PRKCQ: variants seen among roughly 807,000 people sequenced by gnomAD.
The protein encoded by PRKCQ is protein kinase C theta.
PRKCQ carries 41 observed loss-of-function variants against 91.2 expected under a neutral mutation model. The ratio of observed to expected loss-of-function variants is 0.45; its 90% confidence interval spans 0.35 to 0.58. The LOEUF (loss-of-function observed/expected upper bound fraction) is 0.58. Ranked by LOEUF, PRKCQ falls within the 20% of genes least tolerant of loss-of-function variation. The pLI, the probability that PRKCQ is intolerant of heterozygous loss-of-function variation, is 0.00. For synonymous variants in PRKCQ, 307 were observed against 316.9 expected (o/e 0.97, Z 0.33); for missense variants, 673 against 896.5 (o/e 0.75, Z 3.18).
At chr10:6,513,087 G>A (rs915170051) in intron 2 of PRKCQ, among the ~76,000 whole-genome samples, 35 of 152,200 alleles carry the variant, frequency 2.3e-4, no homozygotes, top group African/African-American at 8.2e-4. Flanking sequence ...ATTTTCATTC[G>A]CCACGTTTGT....
At chr10:6,579,129 C>T (rs1264400472) in intron 1 of PRKCQ, among the ~76,000 whole-genome samples, 1 of 152,242 alleles carries the variant, frequency 6.6e-6, no homozygotes, top group East Asian at 1.9e-4. Context: ...TGACAGAAAG[C>T]ATGGGCGGAC....
intron 4 of PRKCQ, among the ~76,000 whole-genome samples, chr10:6,500,502 G>A (rs886550870): frequency 2.0e-5 from 3 of 150,762 alleles, no homozygotes; most frequent in African/African-American, 7.3e-5. Context: ...TTCTACATTA[G>A]ACTATAGTAC....
chr10:6,420,587 A>C, the PRKCQ span, among the ~76,000 whole-genome samples: 1 of 152,158 alleles, frequency 6.6e-6, no homozygotes, highest in Non-Finnish European at 1.5e-5. Context: ...GGCAGAGGAT[A>C]ATTTTTTTGA....
At chr10:6,459,128 T>C (rs556507069) in intron 14 of PRKCQ, among the ~76,000 whole-genome samples, 1 of 152,338 alleles carries the variant, frequency 6.6e-6, no homozygotes, top group Admixed American at 6.5e-5. Context: ...TTCTTCCATC[T>C]GCAAAGCCTC....
At chr10:6,559,760 C>T (rs753819711) in intron 1 of PRKCQ, among the ~76,000 whole-genome samples, 1 of 152,196 alleles carries the variant, frequency 6.6e-6, no homozygotes, top group Non-Finnish European at 1.5e-5. Context: ...AATCTAAAAA[C>T]AGGCCAGGTT....
At chr10:6,577,125 T>TC (rs1222046984) in intron 1 of PRKCQ, among the ~76,000 whole-genome samples, 1 of 152,164 alleles carries the variant, frequency 6.6e-6, no homozygotes, top group Admixed American at 6.5e-5. Context: ...CAGAAAGATG[T>TC]CCTGCCAAAT....
At chr10:6,396,725 A>G in the PRKCQ span, among the ~76,000 whole-genome samples, 1 of 152,220 alleles carries the variant, frequency 6.6e-6, no homozygotes, top group African/African-American at 2.4e-5. Flanking sequence ...TTTGGCTATT[A>G]TGAATCATGT....
In PRKCQ at chr10:6,515,365, G is replaced by A. The variant is rs1018008274; in HGVS notation, c.-9-221C>T. The A allele has an allele frequency of 2.9e-5, 42 of 1,462,338 alleles. 1 individual carries two copies. Among genetic ancestry groups the A allele is most frequent in the Admixed American group, 5.9e-5 (2 of 34,120 alleles). 90.6% of individuals were successfully genotyped at this position (1,462,338 alleles called of 1,614,324 possible). On this transcript the variant is annotated intron_variant, in intron 1 of 17. Coordinates refer to ENST00000263125, the MANE Select transcript of PRKCQ (RefSeq NM_006257.5). The stretch of plus-strand genomic sequence containing the variant: ...TGCTGAGGGGAGAGGCTTTCTGGAA[G>A]TCTGCACTCAACCTTGCTTTTGAGA...
the PRKCQ span, among the ~76,000 whole-genome samples, chr10:6,395,355 C>T: frequency 2.6e-5 from 4 of 152,188 alleles, no homozygotes; most frequent in East Asian, 3.9e-4. Flanking sequence ...TGAACCAGCG[C>T]GCCCGGCCGG....
intron 1 of PRKCQ, among the ~76,000 whole-genome samples, chr10:6,555,770 G>A (rs750894482): frequency 6.6e-6 from 1 of 152,148 alleles, no homozygotes; most frequent in Non-Finnish European, 1.5e-5. Context: ...AGAACTTTGG[G>A]AGGCAAAGGT....
chr10:6,535,270 A>G (rs2130906951), intron 1 of PRKCQ, among the ~76,000 whole-genome samples: 1 of 152,330 alleles, frequency 6.6e-6, no homozygotes, highest in Middle Eastern at 3.4e-3. Context: ...CAGGAGTTCC[A>G]TATGTGGAAA....
intron 15 of PRKCQ, among the ~76,000 whole-genome samples, chr10:6,444,737 G>T (rs765765514): frequency 6.6e-6 from 1 of 151,816 alleles, no homozygotes; most frequent in African/African-American, 2.4e-5. Context: ...CACGCAGAAG[G>T]TATTTTTTTG....
chr10:6,465,788 G>A lies in PRKCQ; in HGVS notation c.1354-1384C>T, dbSNP rs187373159. Among the ~76,000 whole-genome samples the A allele has an allele frequency of 6.6e-6, 1 of 152,344 alleles. No homozygotes were observed. The highest frequency in any genetic ancestry group is 1.9e-4 in the East Asian group (1 of 5,186). ...CAATTATCTCAATAATCCAGGTCAA[G>A]GTAAGCATCCGTCTTTTTTCAATGT... On this transcript the variant is annotated intron_variant, in intron 12 of 17. Transcript: ENST00000263125. This position sits in a 1 kb window ranked among gnomAD's most constrained non-coding sequence, Gnocchi z 4.4.
intron 1 of PRKCQ, among the ~76,000 whole-genome samples, chr10:6,568,139 C>T (rs1030583188): frequency 1.3e-5 from 2 of 151,808 alleles, no homozygotes; most frequent in South Asian, 2.1e-4. Flanking sequence ...TCAGGTGAGG[C>T]GAAGGGCGGA....
chr10:6,461,803 T>C (rs1294444880), intron 14 of PRKCQ, among the ~76,000 whole-genome samples: 1 of 152,200 alleles, frequency 6.6e-6, no homozygotes, highest in East Asian at 1.9e-4. Flanking sequence ...GTATGTTAAA[T>C]AAGTGCCAAC....
At chr10:6,552,794 T>C (rs1378277583) in intron 1 of PRKCQ, among the ~76,000 whole-genome samples, 4 of 152,200 alleles carry the variant, frequency 2.6e-5, no homozygotes, top group Non-Finnish European at 4.4e-5. Context: ...AATTATTTTA[T>C]TCTCTTAAAA....
intron 3 of PRKCQ, among the ~76,000 whole-genome samples, chr10:6,509,167 T>A (rs1437744783): frequency 6.6e-6 from 1 of 152,214 alleles, no homozygotes; most frequent in Non-Finnish European, 1.5e-5. Context: ...CACCATGTGC[T>A]TATGTCTAAA....
At chr10:6,464,252 A>T (rs1050215846) in intron 13 of PRKCQ, 61 bp downstream of exon 13, 1 of 1,497,154 alleles carries the variant, frequency 6.7e-7, no homozygotes, top group African/African-American at 1.4e-5. Flanking sequence ...AAAAGGAAAA[A>T]AAAACCAGCA....
chr10:6,558,584 G>A (rs796186205), intron 1 of PRKCQ, among the ~76,000 whole-genome samples: 10 of 152,302 alleles, frequency 6.6e-5, no homozygotes, highest in African/African-American at 2.4e-4. Context: ...GTAACATGAA[G>A]ATCTGAGAAG....
Sources: gnomAD v4.1 joint callset for allele counts (sites outside exome capture counted in the v4.1 genomes callset) on GRCh38, gnomAD v4.1.1 for gene constraint, Gnocchi (gnomAD v3.1) non-coding constraint, MANE v1.5 for transcripts, NCBI Gene and HGNC (gene_info 2026-07-23, HGNC 2026-07-21) for gene names.